Variants in CUL2 observed in about 807,000 individuals in gnomAD.
CUL2 encodes the protein cullin 2, also known as cullin-2.
A neutral mutation model predicts 110.2 loss-of-function variants in CUL2; 22 were observed. The ratio of observed to expected loss-of-function variants is 0.20; its 90% confidence interval spans 0.14 to 0.28. The LOEUF (loss-of-function observed/expected upper bound fraction) is 0.28, where lower values mean the gene tolerates loss of function less well. Ranked by LOEUF, CUL2 falls within the 10% of genes least tolerant of loss-of-function variation. CUL2 has a pLI of 1.00. For synonymous variants in CUL2, 279 were observed against 293.2 expected (o/e 0.95, Z 0.49); for missense variants, 631 against 905.5 (o/e 0.70, Z 3.89).
chr10:35,086,111 G>A (rs1346918684), intron 1 of CUL2, among the ~76,000 whole-genome samples: 2 of 151,964 alleles, frequency 1.3e-5, no homozygotes, highest in Non-Finnish European at 2.9e-5. Flanking sequence ...GAGGGCGCCT[G>A]TAGTCCCAGC....
In CUL2 at chr10:35,016,320, C is replaced by A. The variant is rs1323695373; in HGVS notation, c.1759G>T (p.Ala587Ser). ...CTGACAGTTTCACTGTTGTTAAAGG[C>A]AAGAAGAACTGCCATTTGGTATGTT... ...VTTYQMAVLL[A>S]FNNSETVSYK... The change falls in exon 18 of 21, where the codon GCC (alanine) becomes TCC (serine). Residue 587 changes from alanine to serine, a missense_variant. Ala to Ser is a moderately conservative substitution (Grantham distance 99). Around this residue, in one of 3 missense-constraint regions of CUL2, gnomAD observed 159 missense variants for 202.7 expected, o/e 0.78. Coordinates refer to ENST00000374749, the MANE Select transcript of CUL2 (RefSeq NM_003591.4). 3.7e-6 allele frequency: 6 copies of A among 1,613,954 alleles called. No individual in the cohort carries two copies.
At chr10:35,067,883 G>A (rs12250616) in intron 2 of CUL2, among the ~76,000 whole-genome samples, 10 of 152,014 alleles carry the variant, frequency 6.6e-5, no homozygotes, top group African/African-American at 2.2e-4. Context: ...TGAGGCAGGC[G>A]GATCACGAGG....
At chr10:35,076,699 T>G (rs776272147) in intron 1 of CUL2, among the ~76,000 whole-genome samples, 1 of 152,106 alleles carries the variant, frequency 6.6e-6, no homozygotes. Context: ...TTTTTTCATC[T>G]GTTTTACATA....
intron 1 of CUL2, among the ~76,000 whole-genome samples, chr10:35,071,818 C>T (rs2086689570): frequency 6.6e-6 from 1 of 152,162 alleles, no homozygotes; most frequent in South Asian, 2.1e-4. Flanking sequence ...CATGACTATC[C>T]AGACAAGAAA....
intron 8 of CUL2, 113 bp from the exon 9 acceptor site, chr10:35,039,195 G>A: frequency 1.8e-6 from 1 of 559,696 alleles, no homozygotes; most frequent in Non-Finnish European, 3.0e-6. Flanking sequence ...ACATGGCAAA[G>A]GTAATAAGGG....
At chr10:35,094,909 A>G (rs574053786), upstream of CUL2, among the ~76,000 whole-genome samples, 24 of 152,290 alleles carry the variant, frequency 1.6e-4, no homozygotes, top group African/African-American at 5.1e-4. Context: ...CTCAAATCCT[A>G]GTTCATCTAT....
chr10:35,043,100 TGA>T (rs1588988513), intron 8 of CUL2, among the ~76,000 whole-genome samples: 1 of 152,090 alleles, frequency 6.6e-6, no homozygotes, highest in African/African-American at 2.4e-5. Flanking sequence ...AAACATGGTT[TGA>T]GAGAGTTTTT....
intron 18 of CUL2, among the ~76,000 whole-genome samples, chr10:35,014,616 T>C (rs1311216330): frequency 5.3e-5 from 8 of 151,924 alleles, no homozygotes; most frequent in Non-Finnish European, 8.8e-5. Flanking sequence ...GCAGATTACT[T>C]GAGCTCAGGA....
chr10:35,018,189 A>G (rs1327747062), intron 17 of CUL2, among the ~76,000 whole-genome samples: 1 of 144,060 alleles, frequency 6.9e-6, no homozygotes, highest in Non-Finnish European at 1.5e-5. Context: ...CGGGAGGCTG[A>G]GGCAGGAGAA....
chr10:35,069,572 T>C (rs574880961), intron 2 of CUL2, among the ~76,000 whole-genome samples: 1 of 147,862 alleles, frequency 6.8e-6, no homozygotes, highest in South Asian at 2.1e-4. Context: ...AAAAAAAGGA[T>C]AACTAAACCA....
chr10:35,071,415 T>C (rs1253266781), intron 1 of CUL2, 76 bp from the exon 2 acceptor site: 1 of 1,367,372 alleles, frequency 7.3e-7, no homozygotes, highest in Non-Finnish European at 1.0e-6. Flanking sequence ...TTTTTGTTTG[T>C]TTGCTTTGAG....
intron 17 of CUL2, among the ~76,000 whole-genome samples, chr10:35,021,347 C>T (rs1258000479): frequency 6.6e-6 from 1 of 151,578 alleles, no homozygotes; most frequent in African/African-American, 2.4e-5. Flanking sequence ...ATCTCCGCCA[C>T]CCGGGTTCAT....
chr10:35,088,009 C>G (rs957839680), intron 1 of CUL2, among the ~76,000 whole-genome samples: 1 of 152,200 alleles, frequency 6.6e-6, no homozygotes, highest in East Asian at 1.9e-4. Flanking sequence ...CCATTTGTTC[C>G]TCCCTAAAAT....
At chr10:35,028,932 T>C (rs777414932) in intron 15 of CUL2, 45 bp from the exon 16 acceptor site, 11 of 1,146,024 alleles carry the variant, frequency 9.6e-6, no homozygotes, top group Non-Finnish European at 1.4e-5. Context: ...TGGATCAACA[T>C]CTAAATTCAA....
At chr10:35,028,913 T>G (rs758719685) in intron 15 of CUL2, 26 bp from the exon 16 acceptor site, 2 of 1,393,308 alleles carry the variant, frequency 1.4e-6, no homozygotes, top group Non-Finnish European at 2.0e-6. Context: ...TAAAATAAAA[T>G]AAGCTAAATG....
At chr10:35,066,515 G>C (rs1007120861) in intron 2 of CUL2, among the ~76,000 whole-genome samples, 1 of 152,120 alleles carries the variant, frequency 6.6e-6, no homozygotes, top group Non-Finnish European at 1.5e-5. Context: ...GGCCAGGCTG[G>C]TCTCAAACTC....
intron 1 of CUL2, among the ~76,000 whole-genome samples, chr10:35,119,560 TTTTA>T (rs10589195): frequency 0.51 from 71,826 of 140,274 alleles, 19,718 homozygotes; most frequent in Middle Eastern, 0.66. Context: ...TTAAAATTAA[TTTTA>T]TTTATTTATT....
intron 9 of CUL2, among the ~76,000 whole-genome samples, chr10:35,037,154 T>C (rs1475280459): frequency 6.6e-6 from 1 of 152,252 alleles, no homozygotes; most frequent in African/African-American, 2.4e-5. Flanking sequence ...TTTTTTTACC[T>C]TGTACATTTA....
chr10:35,056,469 C>A (rs1247473683), intron 4 of CUL2, among the ~76,000 whole-genome samples: 2 of 152,176 alleles, frequency 1.3e-5, no homozygotes, highest in Non-Finnish European at 2.9e-5. Context: ...AAGAAAGCTG[C>A]AGCCTAGAGA....
Sources: allele counts gnomAD v4.1 joint callset (sites outside exome capture counted in the v4.1 genomes callset), GRCh38; gene constraint gnomAD v4.1.1; regional missense constraint gnomAD v4.1.1; transcripts MANE v1.5; gene names NCBI Gene and HGNC (gene_info 2026-07-23, HGNC 2026-07-21).